Variants in VSTM2L observed in about 807,000 individuals in gnomAD.
The protein encoded by VSTM2L is V-set and transmembrane domain containing 2 like.
Under a neutral mutation model 19.9 loss-of-function variants are expected in VSTM2L, and 9 were observed. That is an observed-to-expected ratio of 0.45 (90% CI 0.27 to 0.79). The LOEUF (loss-of-function observed/expected upper bound fraction) is 0.79, where lower values mean the gene tolerates loss of function less well. Among genes scored for constraint, VSTM2L ranks in the 30% least tolerant of loss-of-function variants. The pLI, the probability that VSTM2L is intolerant of heterozygous loss-of-function variation, is 0.15. For missense variants in VSTM2L, 286 were observed against 295.5 expected (o/e 0.97, Z 0.24); for synonymous variants, 127 against 133.8 (o/e 0.95, Z 0.35).
chr20:37,929,419 C>A (rs1212894224), intron 1 of VSTM2L, among the ~76,000 whole-genome samples: 1 of 152,166 alleles, frequency 6.6e-6, no homozygotes, highest in Non-Finnish European at 1.5e-5. Context: ...AGGCTTGCTG[C>A]AGCCTTGACC....
chr20:37,912,710 C>A (rs1306179265), intron 1 of VSTM2L, among the ~76,000 whole-genome samples: 3 of 152,170 alleles, frequency 2.0e-5, no homozygotes, highest in Non-Finnish European at 4.4e-5. Context: ...GGAGTCAGAG[C>A]CGGGAGAGGG....
chr20:37,916,747 A>G (rs923018841), intron 1 of VSTM2L, among the ~76,000 whole-genome samples: 2 of 152,240 alleles, frequency 1.3e-5, no homozygotes, highest in African/African-American at 4.8e-5. Context: ...CTCTATGAAA[A>G]GTAATGAATT....
chr20:37,934,600 T>G (rs968891712), intron 3 of VSTM2L, among the ~76,000 whole-genome samples: 1 of 152,174 alleles, frequency 6.6e-6, no homozygotes, highest in African/African-American at 2.4e-5. Flanking sequence ...TTTTGCTTGA[T>G]TCTTCCACAA....
intron 1 of VSTM2L, among the ~76,000 whole-genome samples, chr20:37,927,506 C>T (rs1218928019): frequency 6.6e-6 from 1 of 152,176 alleles, no homozygotes; most frequent in Non-Finnish European, 1.5e-5. Context: ...TGGCGGGGTC[C>T]TCCCCTGTGC....
chr20:37,940,744 G>A (rs561975655), intron 3 of VSTM2L, among the ~76,000 whole-genome samples: 121 of 152,380 alleles, frequency 7.9e-4, no homozygotes, highest in Non-Finnish European at 1.2e-3. Flanking sequence ...CGTTCTGCAT[G>A]GCTGGGGAGG....
At chr20:37,910,790 G>T (rs915820988) in intron 1 of VSTM2L, among the ~76,000 whole-genome samples, 1 of 151,858 alleles carries the variant, frequency 6.6e-6, no homozygotes, top group African/African-American at 2.4e-5. Context: ...AGTGGCTCAT[G>T]CCTGTGGTCC....
In VSTM2L at chr20:37,907,798, C is replaced by T. The variant is rs78041454; in HGVS notation, c.121+4327C>T. The stretch of plus-strand genomic sequence containing the variant: ...GAGTGATTCACTGTCCTGAGATTCT[C>T]TCTGTTGCCAGGAGGGACCAGCAGG... On this transcript the variant is annotated intron_variant, in intron 1 of 3. Coordinates refer to ENST00000373461, the MANE Select transcript of VSTM2L (RefSeq NM_080607.3). 1.8e-3 allele frequency among the ~76,000 whole-genome samples: 267 copies of T among 152,322 alleles called. 9 individuals are homozygous for T. The East Asian group carries it at 0.046, about 26-fold the overall frequency.
At chr20:37,916,908 G>A (rs1187344294) in intron 1 of VSTM2L, among the ~76,000 whole-genome samples, 1 of 152,326 alleles carries the variant, frequency 6.6e-6, no homozygotes, top group East Asian at 1.9e-4. Context: ...GTTGCCAGGG[G>A]TTAGGGGAGA....
At chr20:37,914,890 C>T (rs923975447) in intron 1 of VSTM2L, among the ~76,000 whole-genome samples, 1 of 152,184 alleles carries the variant, frequency 6.6e-6, no homozygotes, top group Admixed American at 6.5e-5. Context: ...CTTGACTGAC[C>T]CCTCCTTCCT....
At chr20:37,903,726 G>T (rs983314308) in intron 1 of VSTM2L, among the ~76,000 whole-genome samples, 1 of 152,172 alleles carries the variant, frequency 6.6e-6, no homozygotes, top group African/African-American at 2.4e-5. Flanking sequence ...GATATGCACA[G>T]CCGCGGACAC....
rs372811937 is a variant in VSTM2L at position 37,943,027 on chromosome 20, C to T, written c.343-954C>T. Among the ~76,000 whole-genome samples the T allele has an allele frequency of 3.9e-5, 6 of 152,222 alleles. No homozygotes were observed. The South Asian group carries it at 1.2e-3, about 32-fold the overall frequency. On this transcript the variant is annotated intron_variant, in intron 3 of 3. Transcript: ENST00000373461. ...TCGCCCAGGCTGGAGTGCAGTGGTGCGATCTCAGCTCACTGCAACCTCCGC... is the reference window on the plus strand; with the variant it reads ...TCGCCCAGGCTGGAGTGCAGTGGTGTGATCTCAGCTCACTGCAACCTCCGC...
intron 3 of VSTM2L, among the ~76,000 whole-genome samples, chr20:37,934,753 T>C (rs1202371099): frequency 6.6e-6 from 1 of 151,792 alleles, no homozygotes; most frequent in East Asian, 1.9e-4. Context: ...GCATCAGAGG[T>C]GGCATCATGG....
intron 1 of VSTM2L, among the ~76,000 whole-genome samples, chr20:37,912,207 A>G (rs1740373430): frequency 6.6e-6 from 1 of 152,234 alleles, no homozygotes; most frequent in Admixed American, 6.5e-5. Context: ...CGACAGAGCC[A>G]GAGTTCGTAG....
At chr20:37,910,353 G>A (rs1568833916) in intron 1 of VSTM2L, among the ~76,000 whole-genome samples, 1 of 152,222 alleles carries the variant, frequency 6.6e-6, no homozygotes, top group African/African-American at 2.4e-5. Context: ...GGAGACCCGG[G>A]GGCATCCAAC....
At chr20:37,918,148 A>C (rs1039088637) in intron 1 of VSTM2L, among the ~76,000 whole-genome samples, 5 of 152,208 alleles carry the variant, frequency 3.3e-5, no homozygotes, top group African/African-American at 1.2e-4. Flanking sequence ...ATGCTGTCCC[A>C]AGAGCCACAC....
chr20:37,904,275 T>C (rs2072738981), intron 1 of VSTM2L, among the ~76,000 whole-genome samples: 1 of 152,168 alleles, frequency 6.6e-6, no homozygotes, highest in South Asian at 2.1e-4. Flanking sequence ...CCGGGTGCTT[T>C]TGTCTGCCTC....
chr20:37,921,026 G>C (rs1353996078), intron 1 of VSTM2L, among the ~76,000 whole-genome samples: 2 of 152,166 alleles, frequency 1.3e-5, no homozygotes, highest in Non-Finnish European at 2.9e-5. Context: ...AGAGTTCCCA[G>C]CTTGCAGGAG....
At position 37,944,195 on chromosome 20, in the gene VSTM2L, C is replaced by G. The variant is rs181889764; in HGVS notation, c.557C>G (p.Pro186Arg). Reference sequence around the variant, plus strand: ...CCCGCCGCGCCCGCCCCGCCGCCCCCCAAGCCAGGCAAGGAGCTGAGGAAG... The same window carrying G: ...CCCGCCGCGCCCGCCCCGCCGCCCCGCAAGCCAGGCAAGGAGCTGAGGAAG... ...APPAAPAPPP[P>R]KPGKELRKRS... Residue 186 changes from proline (P) to arginine (R), a missense_variant, in exon 4 of 4, where the codon CCC (proline) becomes CGC (arginine). Physicochemically the swap from Pro to Arg is moderately radical, Grantham distance 103 (BLOSUM62 -2). Transcript: ENST00000373461. The G allele has an allele frequency of 3.2e-6, 5 of 1,541,354 alleles. No homozygotes were observed. The highest frequency in any genetic ancestry group is 1.4e-5 in the African/African-American group (1 of 72,992).
chr20:37,934,564 G>T (rs117623436), intron 3 of VSTM2L, among the ~76,000 whole-genome samples: 1 of 152,144 alleles, frequency 6.6e-6, no homozygotes, highest in Admixed American at 6.5e-5. Flanking sequence ...TGCGCATGGC[G>T]GGGAAACCTT....
Sources: gnomAD v4.1 joint callset for allele counts (sites outside exome capture counted in the v4.1 genomes callset) on GRCh38, gnomAD v4.1.1 for gene constraint, MANE v1.5 for transcripts, NCBI Gene and HGNC (gene_info 2026-07-23, HGNC 2026-07-21) for gene names.